The following TPCN2 variants were observed in gnomAD, a reference collection of about 807,000 sequenced individuals.
TPCN2 encodes the protein two pore segment channel 2, also known as two pore channel protein 2.
In TPCN2, 92 loss-of-function variants were observed where a neutral mutation model predicts 111.4. That is an observed-to-expected ratio of 0.83 (90% CI 0.70 to 0.98). The LOEUF is 0.98. Ranked by LOEUF, TPCN2 falls within the 50% of genes least tolerant of loss-of-function variation. TPCN2 has a pLI of 0.00. For synonymous variants in TPCN2, 405 were observed against 414.5 expected, an observed-to-expected ratio of 0.98 and a Z score of 0.28; for missense variants, 995 against 980.1, an observed-to-expected ratio of 1.02 and a Z score of -0.20.
At chr11:69,064,516 G>A (rs770073749) in intron 7 of TPCN2, among the ~76,000 whole-genome samples, 33 of 152,124 alleles carry the variant, frequency 2.2e-4, no homozygotes, top group Non-Finnish European at 4.0e-4. Context: ...CGGCTGCCCC[G>A]GGGCCCAGCA....
chr11:69,087,613 C>G (rs1053402306), intron 24 of TPCN2, among the ~76,000 whole-genome samples: 2 of 152,176 alleles, frequency 1.3e-5, no homozygotes, highest in Non-Finnish European at 2.9e-5. Flanking sequence ...GTGCCTTCCA[C>G]CAGGGGCTGC....
intron 7 of TPCN2, among the ~76,000 whole-genome samples, chr11:69,066,214 G>A (rs1372243215): frequency 1.3e-5 from 2 of 152,148 alleles, no homozygotes; most frequent in African/African-American, 4.8e-5. Context: ...GGGGATGCCC[G>A]GGAGGCCTGG....
At chr11:69,079,044 G>A (rs770091988) in intron 16 of TPCN2, 24 bp downstream of exon 16, 28 of 1,588,668 alleles carry the variant, frequency 1.8e-5, no homozygotes, top group Non-Finnish European at 2.3e-5. Context: ...ATCCGAGGCC[G>A]GCCTCTACTG....
intron 5 of TPCN2, among the ~76,000 whole-genome samples, chr11:69,062,320 C>T (rs924385615): frequency 1.2e-4 from 18 of 152,178 alleles, no homozygotes; most frequent in African/African-American, 4.1e-4. Flanking sequence ...TTGGAGGGGA[C>T]GCACATTCAC....
chr11:69,082,384 T>C (rs1289390146), intron 18 of TPCN2, among the ~76,000 whole-genome samples: 2 of 152,278 alleles, frequency 1.3e-5, no homozygotes, highest in Admixed American at 6.5e-5. Flanking sequence ...ACAATCATGT[T>C]TGGATACAAT....
At chr11:69,085,589 C>G in intron 20 of TPCN2, 82 bp from the exon 21 acceptor site, 5 of 964,308 alleles carry the variant, frequency 5.2e-6, no homozygotes, top group Non-Finnish European at 8.2e-6. Flanking sequence ...GCTGAGCACG[C>G]CAGCAGAGGA....
intron 1 of TPCN2, among the ~76,000 whole-genome samples, chr11:69,050,666 C>G (rs1861184578): frequency 6.6e-6 from 1 of 152,252 alleles, no homozygotes; most frequent in African/African-American, 2.4e-5. Flanking sequence ...GCGTGAGCCA[C>G]TGTGCCTGGC....
At chr11:69,056,220 C>A (rs1444500707) in intron 4 of TPCN2, among the ~76,000 whole-genome samples, 2 of 152,240 alleles carry the variant, frequency 1.3e-5, no homozygotes, top group Non-Finnish European at 2.9e-5. Context: ...GCCTTGGGCT[C>A]ACGTGGCTTC....
At chr11:69,057,291 C>T (rs1163677698) in intron 4 of TPCN2, among the ~76,000 whole-genome samples, 1 of 152,258 alleles carries the variant, frequency 6.6e-6, no homozygotes, top group East Asian at 1.9e-4. Flanking sequence ...TCTCAGCCTG[C>T]ACAAGGTGGT....
At chr11:69,052,103 A>T (rs1861250604) in intron 1 of TPCN2, among the ~76,000 whole-genome samples, 1 of 152,120 alleles carries the variant, frequency 6.6e-6, no homozygotes, top group Non-Finnish European at 1.5e-5. Context: ...CGAGTGCTGG[A>T]TGGTTCCAGG....
At chr11:69,066,971 G>GC (rs1855299668) in intron 7 of TPCN2, among the ~76,000 whole-genome samples, 1 of 152,182 alleles carries the variant, frequency 6.6e-6, no homozygotes, top group African/African-American at 2.4e-5. Flanking sequence ...CGGTGTGGAT[G>GC]CCCCCTTACC....
intron 19 of TPCN2, among the ~76,000 whole-genome samples, chr11:69,084,393 C>A (rs1051015804): frequency 1.3e-5 from 2 of 152,204 alleles, no homozygotes; most frequent in Non-Finnish European, 2.9e-5. Context: ...CTGCACAAGC[C>A]CTGGGATGAG....
Position 69,052,577 on chromosome 11 carries a change from C to T in TPCN2, c.110-1456C>T, listed in dbSNP as rs185623008. On this transcript the variant is annotated intron_variant, in intron 1 of 24. Transcript: ENST00000294309. The stretch of plus-strand genomic sequence containing the variant: ...AGGGAGGGAAGGCTCTTGCTCCCGG[C>T]AGTGCAGCAGGGCCGGGCAGAGTGA... 9.5e-3 allele frequency among the ~76,000 whole-genome samples: 1,448 copies of T among 152,206 alleles called. 36 individuals are homozygous for T. Among genetic ancestry groups the T allele is most frequent in the African/African-American group, 0.033 (1,363 of 41,520 alleles).
intron 13 of TPCN2, among the ~76,000 whole-genome samples, chr11:69,075,994 A>G (rs1253300042): frequency 6.6e-6 from 1 of 152,214 alleles, no homozygotes; most frequent in Non-Finnish European, 1.5e-5. Flanking sequence ...CGTAATAGAT[A>G]ATGCTGAAAT....
At chr11:69,085,133 GC>G (rs1856215213) in intron 19 of TPCN2, 76 bp from the exon 20 acceptor site, 4 of 1,341,726 alleles carry the variant, frequency 3.0e-6, no homozygotes, top group African/African-American at 1.4e-5. Flanking sequence ...CTCTGGCTTT[GC>G]GGTTCTGTCT....
chr11:69,064,160 C>T (rs1040001074), intron 7 of TPCN2, among the ~76,000 whole-genome samples, 193 bp downstream of exon 7: 4 of 152,126 alleles, frequency 2.6e-5, no homozygotes, highest in African/African-American at 9.7e-5. Flanking sequence ...TGCCCAGACA[C>T]CTGTCTGCCC....
intron 5 of TPCN2, among the ~76,000 whole-genome samples, chr11:69,058,481 G>C (rs562470122): frequency 6.6e-6 from 1 of 151,890 alleles, no homozygotes; most frequent in East Asian, 2.0e-4. Flanking sequence ...GGTGGGCGCT[G>C]GTGCCTCCCA....
intron 13 of TPCN2, among the ~76,000 whole-genome samples, chr11:69,075,997 G>A (rs1855737654): frequency 6.6e-6 from 1 of 152,196 alleles, no homozygotes; most frequent in African/African-American, 2.4e-5. Context: ...AATAGATAAT[G>A]CTGAAATCTC....
chr11:69,074,187 C>T (rs1855655457), intron 13 of TPCN2, among the ~76,000 whole-genome samples: 1 of 152,322 alleles, frequency 6.6e-6, no homozygotes, highest in Non-Finnish European at 1.5e-5. Flanking sequence ...CTCTAAAAAA[C>T]ATTGTTTTCC....
Sources: gnomAD v4.1 joint callset for allele counts (sites outside exome capture counted in the v4.1 genomes callset) on GRCh38, gnomAD v4.1.1 for gene constraint, MANE v1.5 for transcripts, NCBI Gene and HGNC (gene_info 2026-07-23, HGNC 2026-07-21) for gene names.